The following NRXN1 variants were observed in gnomAD, a reference collection of about 807,000 sequenced individuals.
The protein encoded by NRXN1 is neurexin 1.
In NRXN1, 39 loss-of-function variants were observed where a neutral mutation model predicts 150.9. That is an observed-to-expected ratio of 0.26 (90% confidence interval 0.20 to 0.34). The LOEUF is 0.34. NRXN1 is among the 10% of genes least tolerant of loss of function. The pLI is 1.00. For synonymous variants in NRXN1, 924 were observed against 757.0 expected (o/e 1.22, Z -3.62); for missense variants, 1,815 against 1,949.9 (o/e 0.93, Z 1.30).
rs996801242 is a variant in NRXN1 at position 50,268,612 on chromosome 2, G to A, written c.3365-31642C>T. Among the ~76,000 whole-genome samples, 12 of 152,256 alleles carry A rather than the reference G, an allele frequency of 7.9e-5. No individual in the cohort carries two copies. The East Asian group carries it at 1.7e-3, about 22-fold the overall frequency. On this transcript the variant is annotated intron_variant, in intron 17 of 22. Coordinates refer to ENST00000401669, the MANE Select transcript of NRXN1 (RefSeq NM_001330078.2). ...CTGGGTTCCAAGGATCCCAGGGGGC[G>A]ATTCCTTCCTTTTCTGAATCCCCAT...
At chr2:50,979,206 A>T (rs895784189) in intron 2 of NRXN1, 7 of 508,856 alleles carry the variant, frequency 1.4e-5, no homozygotes, top group Admixed American at 1.0e-4. Context: ...AAAGTAAGCG[A>T]TTTCCTCTGT....
At chr2:50,383,651 A>G (rs2081124469) in intron 17 of NRXN1, among the ~76,000 whole-genome samples, 1 of 152,184 alleles carries the variant, frequency 6.6e-6, no homozygotes, top group African/African-American at 2.4e-5. Flanking sequence ...GACAAAAGAA[A>G]ACTAGGTTAA....
chr2:50,350,385 A>C (rs2078323576), intron 17 of NRXN1, among the ~76,000 whole-genome samples: 1 of 152,186 alleles, frequency 6.6e-6, no homozygotes, highest in Admixed American at 6.5e-5. Context: ...CGTAAAACAC[A>C]AAAACGTGGT....
chr2:50,934,147 T>C (rs1688177425), intron 2 of NRXN1, among the ~76,000 whole-genome samples: 2 of 152,184 alleles, frequency 1.3e-5, no homozygotes, highest in Non-Finnish European at 1.5e-5. Flanking sequence ...CTCTAACACA[T>C]ATGTGTATAC....
chr2:50,809,148 T>G (rs1350582230), intron 5 of NRXN1, among the ~76,000 whole-genome samples: 2 of 152,008 alleles, frequency 1.3e-5, no homozygotes, highest in Admixed American at 1.3e-4. Context: ...CTATTTACAG[T>G]TTATCAATAA....
chr2:51,027,528 C>T lies in NRXN1; in HGVS notation c.746G>A (p.Gly249Asp), dbSNP rs367655054. The change falls in exon 2 of 23, where the codon GGC (glycine) becomes GAC (aspartate). Residue 249 changes from glycine (G) to aspartate (D), a missense_variant. Physicochemically the swap from Gly to Asp is moderately conservative, Grantham distance 94. Around this residue, in one of 6 missense-constraint regions of NRXN1, gnomAD observed 554 missense variants for 478.8 expected, o/e 1.16. Coordinates refer to ENST00000401669, the MANE Select transcript of NRXN1 (RefSeq NM_001330078.2). ...DQAVCDCSRT[G>D]FRGKDCSQED... ...TTGGCTGCAGTCCTTGCCGCGGAAG[C>T]CGGTTCGCGAGCAGTCGCACACGGC... is the stretch of plus-strand genomic sequence containing the variant. 8 of 1,553,066 alleles carry T rather than the reference C, an allele frequency of 5.2e-6. No individual in the cohort carries two copies. The African/African-American group carries it at 8.2e-5, about 16-fold the overall frequency.
intron 21 of NRXN1, among the ~76,000 whole-genome samples, chr2:50,025,192 A>G (rs915521869): frequency 9.2e-5 from 14 of 152,196 alleles, no homozygotes; most frequent in Non-Finnish European, 2.1e-4. Flanking sequence ...TTTATGAAAG[A>G]TAATCTTTAC....
At chr2:49,987,424 T>C (rs1681118116) in intron 21 of NRXN1, among the ~76,000 whole-genome samples, 1 of 152,196 alleles carries the variant, frequency 6.6e-6, no homozygotes, top group African/African-American at 2.4e-5. Context: ...ATATATTATT[T>C]ATTATTTTTT....
At chr2:50,149,830 G>T (rs1030921141) in intron 18 of NRXN1, among the ~76,000 whole-genome samples, 1 of 151,508 alleles carries the variant, frequency 6.6e-6, no homozygotes, top group African/African-American at 2.4e-5. Context: ...TCTGACTCAA[G>T]AGAAGACTTG....
At position 50,656,925 on chromosome 2, in the gene NRXN1, G is replaced by T. The variant is rs570280462; in HGVS notation, c.833-33310C>A. On this transcript the variant is annotated intron_variant, in intron 5 of 22. Transcript: ENST00000401669. ...TTGGAAAATAAAATTAAATGGAAGA[G>T]AAATTAACAATAATAACTCAGAAAT... Among the ~76,000 whole-genome samples, 7 of 152,044 alleles carry T rather than the reference G, an allele frequency of 4.6e-5. 1 individual carries two copies. The highest frequency in any genetic ancestry group is 1.2e-4 in the African/African-American group (5 of 41,510).
intron 21 of NRXN1, among the ~76,000 whole-genome samples, chr2:49,966,021 G>GA (rs1411758624): frequency 6.6e-6 from 1 of 152,166 alleles, no homozygotes; most frequent in Non-Finnish European, 1.5e-5. Context: ...ATACCAGAGA[G>GA]AAAATCAAAG....
intron 17 of NRXN1, among the ~76,000 whole-genome samples, chr2:50,283,287 G>GT (rs2071699659): frequency 6.6e-6 from 1 of 152,052 alleles, no homozygotes; most frequent in South Asian, 2.1e-4. Flanking sequence ...GTACTAAAAA[G>GT]ACAATAATCT....
At chr2:50,937,166 C>T (rs1254409305) in intron 2 of NRXN1, among the ~76,000 whole-genome samples, 2 of 152,074 alleles carry the variant, frequency 1.3e-5, no homozygotes, top group Non-Finnish European at 2.9e-5. Context: ...TTCAATAATG[C>T]CAGATTATAA....
chr2:50,342,747 T>A (rs1483372040), intron 17 of NRXN1, among the ~76,000 whole-genome samples: 1 of 152,258 alleles, frequency 6.6e-6, no homozygotes, highest in Admixed American at 6.5e-5. Context: ...TTAAACGGCA[T>A]AGAGGACCCT....
rs969016794 is a variant in NRXN1, at chr2:50,546,781, C to T, written c.1759+5806G>A. 5.9e-5 allele frequency among the ~76,000 whole-genome samples: 9 copies of T among 152,062 alleles called. No homozygotes were observed. In the East Asian group the frequency reaches 9.6e-4, roughly 16 times the overall value. On this transcript the variant is annotated intron_variant, in intron 9 of 22. Transcript: ENST00000401669. ...CTAGTAAATTATTGGTAAGGTATTT[C>T]GGTGTTTCCTCTGATGAATAGTGGT...
chr2:50,554,180 A>C (rs1667906254), intron 8 of NRXN1, among the ~76,000 whole-genome samples: 1 of 152,038 alleles, frequency 6.6e-6, no homozygotes, highest in South Asian at 2.1e-4. Flanking sequence ...ATGTATACAC[A>C]CATGTATGTT....
chr2:50,901,861 A>T (rs1171205741), intron 5 of NRXN1, among the ~76,000 whole-genome samples: 1 of 152,208 alleles, frequency 6.6e-6, no homozygotes, highest in Non-Finnish European at 1.5e-5. Context: ...TCAAGCTTTC[A>T]AAATGTTTAA....
intron 12 of NRXN1, among the ~76,000 whole-genome samples, chr2:50,524,049 C>A (rs932570630): frequency 1.3e-5 from 2 of 152,130 alleles, no homozygotes; most frequent in South Asian, 2.1e-4. Flanking sequence ...AAGAGTGAAT[C>A]TTAATAGAAA....
intron 5 of NRXN1, chr2:50,919,025 A>T (rs1685616363): frequency 2.0e-5 from 3 of 151,858 alleles, no homozygotes; most frequent in Admixed American, 2.0e-4. Flanking sequence ...AATGTAAAAA[A>T]CACAAGTAAC....
Sources: allele counts gnomAD v4.1 joint callset (sites outside exome capture counted in the v4.1 genomes callset), GRCh38; gene constraint gnomAD v4.1.1; regional missense constraint gnomAD v4.1.1; transcripts MANE v1.5; gene names NCBI Gene and HGNC (gene_info 2026-07-23, HGNC 2026-07-21).